IL1RAPL1: variants seen among roughly 807,000 people sequenced by gnomAD.
IL1RAPL1 encodes interleukin 1 receptor accessory protein like 1.
In IL1RAPL1, 3 loss-of-function variants were observed where a neutral mutation model predicts 48.4. The observed-to-expected ratio is 0.06, with a 90% confidence interval of 0.03 to 0.16. IL1RAPL1 has a LOEUF of 0.16. IL1RAPL1 is among the 10% of genes least tolerant of loss of function. IL1RAPL1 has a pLI of 1.00. For missense variants in IL1RAPL1, 349 were observed against 530.6 expected (o/e 0.66, Z 3.36); for synonymous variants, 185 against 187.7 (o/e 0.99, Z 0.12).
At chrX:29,599,995 C>A (rs1464606542) in intron 5 of IL1RAPL1, among the ~76,000 whole-genome samples, 1 of 112,298 alleles carries the variant, frequency 8.9e-6, no homozygotes, top group African/African-American at 3.2e-5. Context: ...AACAATCGAC[C>A]TGAATTCTTT....
At chrX:29,562,120 ATCTATCT>A (rs1922248800) in intron 5 of IL1RAPL1, among the ~76,000 whole-genome samples, 10 of 21,651 alleles carry the variant, frequency 4.6e-4, no homozygotes, top group Middle Eastern at 0.026. Flanking sequence ...TATCTAATCT[ATCTATCT>A]ATCTATCTAT....
chrX:29,179,886 A>T (rs1300215833), intron 2 of IL1RAPL1, among the ~76,000 whole-genome samples: 1 of 111,507 alleles, frequency 9.0e-6, no homozygotes, highest in Non-Finnish European at 1.9e-5. Context: ...TTGCTAAAAG[A>T]CAAAAGTATC....
intron 1 of IL1RAPL1, among the ~76,000 whole-genome samples, chrX:28,779,185 T>A (rs1936390428): frequency 9.0e-6 from 1 of 111,419 alleles, no homozygotes; most frequent in Non-Finnish European, 1.9e-5. Context: ...CTAAACTATA[T>A]TGGTTACATT....
At chrX:29,832,465 G>A (rs1930901492) in intron 6 of IL1RAPL1, among the ~76,000 whole-genome samples, 1 of 111,394 alleles carries the variant, frequency 9.0e-6, no homozygotes, top group Admixed American at 9.6e-5. Context: ...GGCAAGGGAT[G>A]TAACAGAAAA....
intron 1 of IL1RAPL1, among the ~76,000 whole-genome samples, chrX:28,693,442 A>G (rs749028445): frequency 8.9e-6 from 1 of 112,490 alleles, no homozygotes; most frequent in African/African-American, 3.2e-5. Flanking sequence ...TTATCGTTCA[A>G]GCCATCTGCA....
At chrX:29,882,412 C>T (rs1264108764) in intron 6 of IL1RAPL1, among the ~76,000 whole-genome samples, 3 of 111,794 alleles carry the variant, frequency 2.7e-5, no homozygotes, top group Admixed American at 9.6e-5. Flanking sequence ...CTCTCAGTTT[C>T]AATTCCTCAT....
At chrX:28,706,428 T>G (rs1935374907) in intron 1 of IL1RAPL1, among the ~76,000 whole-genome samples, 1 of 110,835 alleles carries the variant, frequency 9.0e-6, no homozygotes, top group South Asian at 3.8e-4. Context: ...TTCTTTTTTT[T>G]TTTTGAGACA....
At chrX:29,027,429 C>T (rs1311528606) in intron 2 of IL1RAPL1, among the ~76,000 whole-genome samples, 2 of 111,762 alleles carry the variant, frequency 1.8e-5, no homozygotes, top group African/African-American at 6.5e-5. Context: ...ACAGTTTATT[C>T]ATTCGTCTAT....
chrX:29,282,951 T>C lies in IL1RAPL1; in HGVS notation c.96T>C (p.Thr32=), dbSNP rs201738392. 24 of 1,209,904 alleles carry C rather than the reference T, an allele frequency of 2.0e-5. No homozygotes were observed. In the East Asian group the frequency reaches 6.5e-4, roughly 33 times the overall value. ...TTTTTACGATAGCCGATGGATGCAC[T>C]GACTGGTCTATCGATATCAAGAAAT... ...VTKRGSADGC[T]DWSIDIKKYQ... Residue 32 remains threonine, a synonymous_variant, in exon 3 of 11, where the codon ACT becomes ACC. Transcript: ENST00000378993.
chrX:28,617,527 G>A (rs762880727), intron 1 of IL1RAPL1, among the ~76,000 whole-genome samples: 1 of 111,866 alleles, frequency 8.9e-6, no homozygotes, highest in Non-Finnish European at 1.9e-5. Flanking sequence ...ACCCAAATAT[G>A]GGACCTCAAA....
intron 5 of IL1RAPL1, among the ~76,000 whole-genome samples, chrX:29,521,192 A>G (rs992468769): frequency 8.9e-6 from 1 of 112,502 alleles, no homozygotes; most frequent in Admixed American, 9.4e-5. Context: ...AAACAAATAT[A>G]ACAAACTAGT....
chrX:28,850,929 C>T (rs1236195166), intron 2 of IL1RAPL1, among the ~76,000 whole-genome samples: 1 of 104,961 alleles, frequency 9.5e-6, no homozygotes, highest in African/African-American at 3.6e-5. Flanking sequence ...ATTTGAACTC[C>T]GCCAACCAGT....
intron 6 of IL1RAPL1, among the ~76,000 whole-genome samples, chrX:29,819,332 T>A (rs1930560099): frequency 1.8e-5 from 2 of 111,028 alleles, no homozygotes; most frequent in African/African-American, 6.5e-5. Flanking sequence ...TACAACCAGA[T>A]GAAAAAAGAC....
chrX:28,955,854 T>TGTAAATTACC (rs1243001880), intron 2 of IL1RAPL1, among the ~76,000 whole-genome samples: 28 of 59,371 alleles, frequency 4.7e-4, no homozygotes, highest in Middle Eastern at 6.2e-3. Flanking sequence ...GCATTGAATC[T>TGTAAATTACC]TGGGCAGTAT....
At chrX:29,278,483 A>G (rs1932151165) in intron 2 of IL1RAPL1, among the ~76,000 whole-genome samples, 1 of 111,834 alleles carries the variant, frequency 8.9e-6, no homozygotes, top group Non-Finnish European at 1.9e-5. Flanking sequence ...TACTGCAGAG[A>G]TATGTTGAAC....
At chrX:29,779,055 T>C (rs1012811049) in intron 6 of IL1RAPL1, among the ~76,000 whole-genome samples, 1 of 111,820 alleles carries the variant, frequency 8.9e-6, no homozygotes, top group East Asian at 2.8e-4. Context: ...TGCTGATATA[T>C]GGACCACACT....
intron 2 of IL1RAPL1, among the ~76,000 whole-genome samples, chrX:28,959,621 A>G (rs946069033): frequency 1.8e-5 from 2 of 111,953 alleles, no homozygotes; most frequent in Non-Finnish European, 3.8e-5. Context: ...AGAATTCAGG[A>G]TTATGTTATT....
chrX:29,923,789 G>A (rs1932864517), intron 8 of IL1RAPL1, among the ~76,000 whole-genome samples: 1 of 111,143 alleles, frequency 9.0e-6, no homozygotes, highest in Admixed American at 9.6e-5. Flanking sequence ...CCATTTCTCT[G>A]ACACAAACAA....
chrX:28,985,523 T>C (rs1925443439), intron 2 of IL1RAPL1, among the ~76,000 whole-genome samples: 1 of 112,371 alleles, frequency 8.9e-6, no homozygotes, highest in Non-Finnish European at 1.9e-5. Context: ...CATCCTTAAA[T>C]GGTCTTTGGT....
Sources: gnomAD v4.1 joint callset for allele counts (sites outside exome capture counted in the v4.1 genomes callset) on GRCh38, gnomAD v4.1.1 for gene constraint, MANE v1.5 for transcripts, NCBI Gene and HGNC (gene_info 2026-07-23, HGNC 2026-07-21) for gene names.